Variants in BUD23 observed in about 807,000 individuals in gnomAD.
BUD23 encodes BUD23 rRNA methyltransferase and ribosome maturation factor, also known as 18S rRNA (guanine-N(7))-methyltransferase.
In BUD23, 34 loss-of-function variants were observed where a neutral mutation model predicts 47.0. The observed-to-expected ratio is 0.72, with a 90% CI of 0.55 to 0.96. The LOEUF (loss-of-function observed/expected upper bound fraction) is 0.96. Ranked by LOEUF, BUD23 falls within the 40% of genes least tolerant of loss-of-function variation. The probability of loss-of-function intolerance (pLI) is 0.00; values close to 1 mark genes in which losing one functional copy is unlikely to be tolerated. For missense variants in BUD23, 343 were observed against 361.2 expected, an observed-to-expected ratio of 0.95 and a Z score of 0.41; for synonymous variants, 124 against 132.0, an observed-to-expected ratio of 0.94 and a Z score of 0.41.
In BUD23 at chr7:73,692,534, G is replaced by A. The variant is rs1798230839; in HGVS notation, c.460-62G>A. 3.3e-6 allele frequency: 5 copies of A among 1,493,992 alleles called. No homozygotes were observed. The Admixed American group carries it at 8.8e-5, about 26-fold the overall frequency. The allele number at this position is 1,493,992 out of a possible 1,614,324, so 92.5% of individuals were successfully genotyped here. A position where few individuals can be genotyped will look rare whatever the true frequency, so the allele number is the denominator to read the frequency against. ...TACTTGGTGAATGAAGGAAGAGAGG[G>A]GTGTCCAGGCCCTAAGCTCATGCAG... On this transcript the variant is annotated intron_variant, in intron 6 of 11. Coordinates refer to ENST00000265758, the MANE Select transcript of BUD23 (RefSeq NM_017528.5).
chr7:73,697,628 G>T lies in BUD23; in HGVS notation c.725G>T (p.Arg242Leu), dbSNP rs376250993. ...AGGTTCCCATTAAGGATGTCGAGGC[G>T]GGGAATGGTGAGGAAGAGTCGGGCA... ...NERFPLRMSRRGMVRKSRAWV... is the reference protein window; with the variant it reads ...NERFPLRMSRLGMVRKSRAWV... Residue 242 changes from arginine to leucine, a missense_variant, in exon 11 of 12, where the codon CGG becomes CTG. Coordinates refer to ENST00000265758, the MANE Select transcript of BUD23 (RefSeq NM_017528.5). 6.2e-7 allele frequency: 1 copy of T among 1,613,734 alleles called. No homozygotes were observed. Among genetic ancestry groups the T allele is most frequent in the Admixed American group, 1.7e-5 (1 of 60,022 alleles).
rs1554614389 is a variant in BUD23 at position 73,693,500 on chromosome 7, GA to G, written c.596+87del. The G allele has an allele frequency of 2.2e-4, 344 of 1,596,832 alleles. 2 individuals are homozygous for G. The African/African-American group carries it at 3.4e-3, about 16-fold the overall frequency. On this transcript the variant is annotated intron_variant, in intron 8 of 11. Transcript: ENST00000265758. ...TTTCAGGCCACTCAGTGGTGCAGAG[GA>G]GTGCTGGGGTGTGGGTCACCAGGGT...
intron 2 of BUD23, among the ~76,000 whole-genome samples, chr7:73,685,655 G>A (rs1554612864): frequency 6.6e-6 from 1 of 152,034 alleles, no homozygotes; most frequent in Non-Finnish European, 1.5e-5. Context: ...CACCCGCCTT[G>A]GCCTCCCAAA....
rs1219624929 is a variant in BUD23, at chr7:73,692,659, G to A, written c.510+13G>A. The A allele has an allele frequency of 6.2e-7, 1 of 1,611,794 alleles. No homozygotes were observed. Among genetic ancestry groups the A allele is most frequent in the East Asian group, 2.2e-5 (1 of 44,784 alleles). On this transcript the variant is annotated intron_variant, in intron 7 of 11. Coordinates refer to ENST00000265758, the MANE Select transcript of BUD23 (RefSeq NM_017528.5). Reference sequence around the variant, plus strand: ...GAACTCAGAGCAGGTGAGTCCCTCGGCTACTGGGTGTGCCGGGGAGTTGGG... The same window carrying A: ...GAACTCAGAGCAGGTGAGTCCCTCGACTACTGGGTGTGCCGGGGAGTTGGG...
chr7:73,685,539 G>A (rs782546843), intron 2 of BUD23, among the ~76,000 whole-genome samples: 6 of 152,152 alleles, frequency 3.9e-5, no homozygotes, highest in Non-Finnish European at 7.3e-5. Context: ...CCGGGTAGTT[G>A]GAACTACAGG....
At chr7:73,687,269 C>G (rs1554613205) in intron 5 of BUD23, among the ~76,000 whole-genome samples, 174 bp downstream of exon 5, 1 of 152,088 alleles carries the variant, frequency 6.6e-6, no homozygotes, top group African/African-American at 2.4e-5. Context: ...CCCACACCAC[C>G]GTACCTAGCT....
intron 6 of BUD23, among the ~76,000 whole-genome samples, chr7:73,691,981 G>A (rs943335010): frequency 1.3e-5 from 2 of 152,152 alleles, no homozygotes; most frequent in Non-Finnish European, 1.5e-5. Flanking sequence ...TAGTTTTCCT[G>A]GGGTGGACTG....
At chr7:73,692,477 C>A in intron 6 of BUD23, 119 bp from the exon 7 acceptor site, 3 of 948,276 alleles carry the variant, frequency 3.2e-6, no homozygotes, top group Non-Finnish European at 4.8e-6. Context: ...CCAGCCCTAA[C>A]AATGCCTCAC....
At chr7:73,693,566 C>T in intron 8 of BUD23, 58 bp from the exon 9 acceptor site, 2 of 1,610,322 alleles carry the variant, frequency 1.2e-6, no homozygotes, top group Admixed American at 1.7e-5. Context: ...GAGCTGAGGG[C>T]TTGTCTCCCT....
rs1199266696 is a variant in BUD23, at chr7:73,693,637, T to C, written c.610T>C (p.Leu204=). The change falls in exon 9 of 12, where the codon TTG becomes CTG. Residue 204 remains leucine (L), a synonymous_variant. Coordinates refer to ENST00000265758, the MANE Select transcript of BUD23 (RefSeq NM_017528.5). Reference sequence around the variant, plus strand: ...TTCTCCTTTCAGATTCTACCTCTGCTTGTTTTCTGGGCCTTCGACCTTTAT... The same window carrying C: ...TTCTCCTTTCAGATTCTACCTCTGCCTGTTTTCTGGGCCTTCGACCTTTAT... ...SAKAKKFYLC[L]FSGPSTFIPE... The C allele has an allele frequency of 5.6e-6, 9 of 1,614,074 alleles. No individual in the cohort carries two copies. The highest frequency in any genetic ancestry group is 1.7e-5 in the Admixed American group (1 of 60,000).
chr7:73,692,509 T>TA, intron 6 of BUD23, 87 bp from the exon 7 acceptor site: 1 of 1,309,166 alleles, frequency 7.6e-7, no homozygotes, highest in Non-Finnish European at 1.1e-6. Context: ...ATTCAGGAAA[T>TA]ACTTGGTGAA....
At chr7:73,685,238 C>T (rs1554612773) in intron 2 of BUD23, among the ~76,000 whole-genome samples, 2 of 151,376 alleles carry the variant, frequency 1.3e-5, no homozygotes, top group African/African-American at 4.9e-5. Context: ...TGCGATCGCA[C>T]CACTGCACTC....
At position 73,697,737 on chromosome 7, in the gene BUD23, A is replaced by T. The variant is rs200584838; in HGVS notation, c.791+43A>T. 2.3e-3 allele frequency: 3,668 copies of T among 1,610,572 alleles called. 3 individuals are homozygous for T. The highest frequency in any genetic ancestry group is 2.9e-3 in the Non-Finnish European group (3,367 of 1,177,626). Reference sequence around the variant, plus strand: ...AGCTGGCAGGGTGGGTGGGGGGTGGATGACTATTGCCATGAAGAGCTTCCC... The same window carrying T: ...AGCTGGCAGGGTGGGTGGGGGGTGGTTGACTATTGCCATGAAGAGCTTCCC... On this transcript the variant is annotated intron_variant, in intron 11 of 11. Coordinates refer to ENST00000265758, the MANE Select transcript of BUD23 (RefSeq NM_017528.5).
Position 73,694,022 on chromosome 7 carries a change from C to T in BUD23, c.673C>T (p.Pro225Ser). ...GLSENQDEVE[P>S]RESVFTNERF... The stretch of plus-strand genomic sequence containing the variant: ...GAGTGAAAATCAGGATGAAGTTGAA[C>T]CCAGGGAGTCTGTGTTCACCAATGA... The change falls in exon 10 of 12, where the codon CCC (proline) becomes TCC (serine). Residue 225 changes from proline (P) to serine (S), a missense_variant. Coordinates refer to ENST00000265758, the MANE Select transcript of BUD23 (RefSeq NM_017528.5). 6.2e-7 allele frequency: 1 copy of T among 1,611,918 alleles called. No homozygotes were observed. The highest frequency in any genetic ancestry group is 1.3e-5 in the African/African-American group (1 of 74,850).
intron 6 of BUD23, among the ~76,000 whole-genome samples, chr7:73,692,098 T>C (rs1308871985): frequency 6.6e-6 from 1 of 152,188 alleles, no homozygotes; most frequent in African/African-American, 2.4e-5. Flanking sequence ...GCCGCTGGCC[T>C]TTCCTGGGGT....
intron 6 of BUD23, among the ~76,000 whole-genome samples, chr7:73,691,844 A>G (rs1205276775): frequency 2.0e-5 from 3 of 151,968 alleles, no homozygotes; most frequent in African/African-American, 7.3e-5. Flanking sequence ...GCTTCAAGCA[A>G]TTGTCTGGCA....
chr7:73,697,723 T>C lies in BUD23; in HGVS notation c.791+29T>C, dbSNP rs532164921. 1,854 of 1,555,972 alleles carry C rather than the reference T, an allele frequency of 1.2e-3. 1 individual carries two copies. Among genetic ancestry groups the C allele is most frequent in the Non-Finnish European group, 1.4e-3 (1,583 of 1,152,964 alleles). ...AGTGCCAGCCTGGGAGCTGGCAGGG[T>C]GGGTGGGGGGTGGATGACTATTGCC... On this transcript the variant is annotated intron_variant, in intron 11 of 11. Transcript: ENST00000265758.
At chr7:73,686,601 C>T (rs1797979379) in intron 2 of BUD23, 35 bp from the exon 3 acceptor site, 1 of 1,602,330 alleles carries the variant, frequency 6.2e-7, no homozygotes, top group African/African-American at 1.3e-5. Flanking sequence ...CCCAGAACTC[C>T]TTTACCATGT....
intron 10 of BUD23, 74 bp from the exon 11 acceptor site, chr7:73,697,531 G>A (rs781967420): frequency 6.2e-7 from 1 of 1,609,616 alleles, no homozygotes; most frequent in South Asian, 1.1e-5. Context: ...GCTTGCCATG[G>A]ATTCACATGG....
Sources: gnomAD v4.1 joint callset for allele counts (sites outside exome capture counted in the v4.1 genomes callset) on GRCh38, gnomAD v4.1.1 for gene constraint, MANE v1.5 for transcripts, NCBI Gene and HGNC (gene_info 2026-07-23, HGNC 2026-07-21) for gene names.